ZFHX3: variants seen among roughly 807,000 people sequenced by gnomAD.
The protein encoded by ZFHX3 is zinc finger homeobox 3, also known as zinc finger homeobox protein 3.
In ZFHX3, 42 loss-of-function variants were observed where a neutral mutation model predicts 279.1. The ratio of observed to expected loss-of-function variants is 0.15; its 90% CI spans 0.12 to 0.19. The LOEUF (loss-of-function observed/expected upper bound fraction) is 0.19, where lower values mean the gene tolerates loss of function less well. Among genes scored for constraint, ZFHX3 ranks in the 10% least tolerant of loss-of-function variants. ZFHX3 has a pLI of 1.00. For synonymous variants in ZFHX3, 2,293 were observed against 1,957.8 expected, an observed-to-expected ratio of 1.17 and a Z score of -4.52; for missense variants, 4,981 against 4,754.0, an observed-to-expected ratio of 1.05 and a Z score of -1.40.
chr16:73,426,974 G>A (rs1213344079), intron 3 of ZFHX3, among the ~76,000 whole-genome samples: 2 of 152,122 alleles, frequency 1.3e-5, no homozygotes, highest in East Asian at 3.9e-4. Context: ...ATTGTGCCTG[G>A]GTGTCTGGCC....
intron 1 of ZFHX3, among the ~76,000 whole-genome samples, chr16:72,991,039 A>C (rs1222798377): frequency 6.6e-6 from 1 of 151,930 alleles, no homozygotes; most frequent in Non-Finnish European, 1.5e-5. Context: ...AAGAAGTCCT[A>C]TACACAGCAT....
chr16:73,346,414 A>C (rs1444224109), intron 3 of ZFHX3, among the ~76,000 whole-genome samples: 1 of 152,162 alleles, frequency 6.6e-6, no homozygotes, highest in African/African-American at 2.4e-5. Context: ...GTGATACCCA[A>C]GGTGAAGAAG....
At chr16:73,048,307 G>T (rs1263405953), upstream of ZFHX3, 3 of 151,758 alleles carry the variant, frequency 2.0e-5, no homozygotes, top group Non-Finnish European at 4.4e-5. Flanking sequence ...GCCGGGCGCA[G>T]GCCGGGTTGC....
At chr16:73,468,409 G>T (rs1597346994) in intron 2 of ZFHX3, among the ~76,000 whole-genome samples, 2 of 152,176 alleles carry the variant, frequency 1.3e-5, no homozygotes, top group Non-Finnish European at 2.9e-5. Flanking sequence ...GCTGGAATAT[G>T]TAGTCCTTAT....
At chr16:73,077,762 C>A (rs12447078) in intron 8 of ZFHX3, among the ~76,000 whole-genome samples, 141,801 of 152,318 alleles carry the variant, frequency 0.93, 66,066 homozygotes, top group East Asian at 1. Flanking sequence ...GTAAATTTGC[C>A]GATCGTGTCA....
At chr16:73,563,504 G>A (rs825697) in intron 2 of ZFHX3, among the ~76,000 whole-genome samples, 60,357 of 151,856 alleles carry the variant, frequency 0.4, 12,576 homozygotes, top group Non-Finnish European at 0.47. Flanking sequence ...TGATCCGCCC[G>A]CCTCAGCCTC....
chr16:73,145,452 G>T (rs547429153), intron 5 of ZFHX3, among the ~76,000 whole-genome samples: 1 of 152,214 alleles, frequency 6.6e-6, no homozygotes, highest in Non-Finnish European at 1.5e-5. Context: ...CCTTACCCTG[G>T]GGGGAGGGGG....
At chr16:73,449,191 G>T (rs2143555044) in intron 3 of ZFHX3, among the ~76,000 whole-genome samples, 1 of 152,278 alleles carries the variant, frequency 6.6e-6, no homozygotes. Context: ...AAGAAAGTGT[G>T]ATTCCTCAAA....
chr16:73,533,107 G>T (rs1482998828), intron 2 of ZFHX3, among the ~76,000 whole-genome samples: 1 of 151,966 alleles, frequency 6.6e-6, no homozygotes, highest in South Asian at 2.1e-4. Context: ...ACGCTGCCAG[G>T]CCATCAGTGT....
At chr16:72,792,267 G>A (rs1267345841) in intron 9 of ZFHX3, among the ~76,000 whole-genome samples, 5 of 151,580 alleles carry the variant, frequency 3.3e-5, no homozygotes, top group Admixed American at 3.3e-4. Flanking sequence ...ATGGGCAAAA[G>A]GAAAAAAAAG....
chr16:73,545,475 C>G (rs559532903), intron 2 of ZFHX3, among the ~76,000 whole-genome samples: 1 of 152,276 alleles, frequency 6.6e-6, no homozygotes, highest in Non-Finnish European at 1.5e-5. Context: ...AAGACATCCC[C>G]TTAGCTGAAG....
intron 7 of ZFHX3, among the ~76,000 whole-genome samples, chr16:73,095,232 G>A (rs1597154839): frequency 6.6e-6 from 1 of 152,092 alleles, no homozygotes; most frequent in African/African-American, 2.4e-5. Flanking sequence ...GCTCTGGGAT[G>A]CTTCTCTTAA....
intron 4 of ZFHX3, among the ~76,000 whole-genome samples, chr16:72,875,430 G>A (rs773747229): frequency 3.9e-5 from 6 of 152,166 alleles, no homozygotes; most frequent in Non-Finnish European, 5.9e-5. Flanking sequence ...CAGATGCCCC[G>A]GGAATCCCTG....
At chr16:73,014,518 C>CTTCTTTTTTTTTTT (rs1964028587) in intron 1 of ZFHX3, 2 of 63,406 alleles carry the variant, frequency 3.2e-5, no homozygotes, top group African/African-American at 1.3e-4. Flanking sequence ...ATTTCTTCTT[C>CTTCTTTTTTTTTTT]TTTTTTTTTT....
intron 2 of ZFHX3, among the ~76,000 whole-genome samples, chr16:73,480,195 T>C (rs1057167136): frequency 7.9e-5 from 12 of 152,162 alleles, no homozygotes; most frequent in Non-Finnish European, 1.6e-4. Context: ...ATTTGAAATG[T>C]TTTTAAGGGT....
intron 7 of ZFHX3, among the ~76,000 whole-genome samples, chr16:73,105,685 G>A (rs1010238418): frequency 4.6e-5 from 7 of 152,038 alleles, no homozygotes; most frequent in Non-Finnish European, 8.8e-5. Flanking sequence ...TCTGGGAGGC[G>A]GAGGTTGCAA....
chr16:73,600,220 G>T (rs1417023651), intron 2 of ZFHX3, among the ~76,000 whole-genome samples: 1 of 152,128 alleles, frequency 6.6e-6, no homozygotes, highest in Non-Finnish European at 1.5e-5. Context: ...ATCCAGAATG[G>T]ACTGTTTCTA....
At chr16:72,934,028 C>T (rs1959975459) in intron 3 of ZFHX3, among the ~76,000 whole-genome samples, 1 of 152,042 alleles carries the variant, frequency 6.6e-6, no homozygotes, top group African/African-American at 2.4e-5. Context: ...CCGTGTTAGC[C>T]AGGATGGCCT....
intron 1 of ZFHX3, among the ~76,000 whole-genome samples, chr16:72,961,994 G>T (rs376137107): frequency 6.6e-6 from 1 of 152,206 alleles, no homozygotes; most frequent in African/African-American, 2.4e-5. Context: ...ACTGCAGGGC[G>T]GCTCTTCTTA....
Sources: allele counts gnomAD v4.1 joint callset (sites outside exome capture counted in the v4.1 genomes callset), GRCh38; gene constraint gnomAD v4.1.1; transcripts MANE v1.5; gene names NCBI Gene and HGNC (gene_info 2026-07-23, HGNC 2026-07-21).